TMTC2: variants seen among roughly 807,000 people sequenced by gnomAD.
TMTC2 encodes protein O-mannosyl-transferase TMTC2.
In TMTC2, 43 loss-of-function variants were observed where a neutral mutation model predicts 82.4. That is an observed-to-expected ratio of 0.52 (90% CI 0.41 to 0.67). The LOEUF is 0.67. TMTC2 is among the 30% of genes least tolerant of loss of function. The pLI, the probability that TMTC2 is intolerant of heterozygous loss-of-function variation, is 0.00. For synonymous variants in TMTC2, 408 were observed against 381.9 expected, an observed-to-expected ratio of 1.07 and a Z score of -0.80; for missense variants, 919 against 1,012.4, an observed-to-expected ratio of 0.91 and a Z score of 1.25.
chr12:82,905,281 G>T (rs1293727889), intron 3 of TMTC2, among the ~76,000 whole-genome samples: 1 of 152,088 alleles, frequency 6.6e-6, no homozygotes, highest in East Asian at 1.9e-4. Flanking sequence ...TAAAATAATT[G>T]TAGTATATAT....
intron 1 of TMTC2, among the ~76,000 whole-genome samples, chr12:82,727,001 T>G (rs1874489623): frequency 6.6e-6 from 1 of 152,020 alleles, no homozygotes; most frequent in Non-Finnish European, 1.5e-5. Context: ...AAGCCCCTTT[T>G]CTTTCCTGAG....
intron 2 of TMTC2, among the ~76,000 whole-genome samples, chr12:82,889,888 T>C (rs1873307827): frequency 6.6e-6 from 1 of 152,114 alleles, no homozygotes; most frequent in Non-Finnish European, 1.5e-5. Context: ...TTGAAATTTA[T>C]ATCTATTTCT....
chr12:83,064,622 A>G (rs1434474399), intron 11 of TMTC2, among the ~76,000 whole-genome samples: 1 of 151,910 alleles, frequency 6.6e-6, no homozygotes, highest in Admixed American at 6.6e-5. Flanking sequence ...ATAAAATACA[A>G]CCATGGCAAT....
At chr12:82,776,478 A>C (rs1565745596) in intron 1 of TMTC2, among the ~76,000 whole-genome samples, 1 of 152,026 alleles carries the variant, frequency 6.6e-6, no homozygotes, top group Non-Finnish European at 1.5e-5. Context: ...CAAGCTTTAA[A>C]AGGTATACTT....
chr12:82,693,559 G>A (rs1319145581), intron 1 of TMTC2, among the ~76,000 whole-genome samples: 1 of 152,102 alleles, frequency 6.6e-6, no homozygotes, highest in South Asian at 2.1e-4. Flanking sequence ...AAGACAGTTA[G>A]GTCCAAAAAG....
At chr12:83,011,745 C>T (rs911645817) in intron 8 of TMTC2, among the ~76,000 whole-genome samples, 3 of 152,222 alleles carry the variant, frequency 2.0e-5, no homozygotes, top group Non-Finnish European at 4.4e-5. Context: ...AACACTTTCT[C>T]TTTCATAAAA....
intron 9 of TMTC2, among the ~76,000 whole-genome samples, chr12:83,041,429 GT>G (rs1380764170): frequency 6.6e-6 from 1 of 152,126 alleles, no homozygotes; most frequent in Non-Finnish European, 1.5e-5. Context: ...TTTATTTACG[GT>G]TTTATAAAGT....
At chr12:82,841,577 G>A (rs183369112) in intron 1 of TMTC2, among the ~76,000 whole-genome samples, 231 of 152,268 alleles carry the variant, frequency 1.5e-3, no homozygotes, top group Non-Finnish European at 2.7e-3. Flanking sequence ...TAGCTGTGAG[G>A]CTGATTTTAA....
chr12:82,941,003 C>A (rs1565819993), intron 4 of TMTC2, among the ~76,000 whole-genome samples: 1 of 151,716 alleles, frequency 6.6e-6, no homozygotes, highest in African/African-American at 2.4e-5. Flanking sequence ...ATGTCCTATA[C>A]CATATAAAGG....
rs577623979 is a variant in TMTC2, at chr12:82,738,977, A to G, written c.83+51308A>G. Among the ~76,000 whole-genome samples, 13 of 152,022 alleles carry G rather than the reference A, an allele frequency of 8.6e-5. 1 individual carries two copies. In the South Asian group the frequency reaches 1.7e-3, roughly 19 times the overall value. On this transcript the variant is annotated intron_variant, in intron 1 of 11. Coordinates refer to ENST00000321196, the MANE Select transcript of TMTC2 (RefSeq NM_152588.3). ...AGCCTGGCCAACAGGATGAAAGCCT[A>G]TCTCTACTAAAAATGCAAAAATTAG...
At chr12:83,088,460 G>C (rs1883734240) in intron 11 of TMTC2, among the ~76,000 whole-genome samples, 1 of 152,174 alleles carries the variant, frequency 6.6e-6, no homozygotes, top group Non-Finnish European at 1.5e-5. Context: ...TCCTCACTGA[G>C]CCTAATTATT....
At chr12:82,750,420 T>G (rs1349473117) in intron 1 of TMTC2, among the ~76,000 whole-genome samples, 1 of 152,138 alleles carries the variant, frequency 6.6e-6, no homozygotes, top group Non-Finnish European at 1.5e-5. Flanking sequence ...CTTTAGGGGC[T>G]TAGAGGATCT....
chr12:83,066,464 T>C (rs1225324736), intron 11 of TMTC2, among the ~76,000 whole-genome samples: 1 of 151,908 alleles, frequency 6.6e-6, no homozygotes, highest in Non-Finnish European at 1.5e-5. Context: ...GTGGATACCA[T>C]ACTAAAAATG....
At chr12:83,045,674 A>AGCT (rs900304071) in intron 9 of TMTC2, among the ~76,000 whole-genome samples, 3 of 129,636 alleles carry the variant, frequency 2.3e-5, no homozygotes, top group African/African-American at 8.7e-5. Context: ...TGTTATAGAT[A>AGCT]GCTGGTCGCT....
chr12:83,008,419 C>T (rs1051421383), intron 8 of TMTC2, among the ~76,000 whole-genome samples: 8 of 152,190 alleles, frequency 5.3e-5, no homozygotes, highest in African/African-American at 1.4e-4. Context: ...GTTGACCCTT[C>T]GTCAAGCTCA....
chr12:82,900,847 A>AAT (rs1487502842), intron 3 of TMTC2, among the ~76,000 whole-genome samples: 1 of 131,614 alleles, frequency 7.6e-6, no homozygotes, highest in Non-Finnish European at 1.6e-5. Flanking sequence ...TATATATAGG[A>AAT]ATATATATAC....
intron 2 of TMTC2, among the ~76,000 whole-genome samples, chr12:82,885,976 AAAG>A (rs1233237519): frequency 1.3e-5 from 2 of 152,242 alleles, no homozygotes; most frequent in Non-Finnish European, 2.9e-5. Context: ...ATTCTTCTGC[AAAG>A]AAGATTTGTT....
chr12:83,129,503 A>G (rs1428698733), intron 11 of TMTC2, among the ~76,000 whole-genome samples: 4 of 152,330 alleles, frequency 2.6e-5, no homozygotes, highest in African/African-American at 4.8e-5. Context: ...AGGTAACTCC[A>G]TAAGTGTTTG....
intron 7 of TMTC2, among the ~76,000 whole-genome samples, chr12:82,983,211 ATTG>A (rs1372157377): frequency 1.3e-5 from 2 of 152,022 alleles, no homozygotes. Context: ...CATAGTCATC[ATTG>A]TTATTATTAA....
Sources: gnomAD v4.1 joint callset for allele counts (sites outside exome capture counted in the v4.1 genomes callset) on GRCh38, gnomAD v4.1.1 for gene constraint, MANE v1.5 for transcripts, NCBI Gene and HGNC (gene_info 2026-07-23, HGNC 2026-07-21) for gene names.